TDRD5: variants seen among roughly 807,000 people sequenced by gnomAD.
TDRD5 encodes the protein tudor domain containing 5.
Under a neutral mutation model 120.6 loss-of-function variants are expected in TDRD5, and 41 were observed. That is an observed-to-expected ratio of 0.34 (90% confidence interval 0.26 to 0.44). The LOEUF is 0.44. TDRD5 is among the 20% of genes least tolerant of loss of function. The pLI, the probability that TDRD5 is intolerant of heterozygous loss-of-function variation, is 1.00. For synonymous variants in TDRD5, 430 were observed against 433.7 expected (o/e 0.99, Z 0.11); for missense variants, 1,006 against 1,221.2 (o/e 0.82, Z 2.63).
In TDRD5 at chr1:179,652,074, G is replaced by T; in HGVS notation, c.2037G>T (p.Thr679=). The T allele has an allele frequency of 1.2e-6, 2 of 1,613,350 alleles. No individual in the cohort carries two copies. Among genetic ancestry groups the T allele is most frequent in the African/African-American group, 2.7e-5 (2 of 74,800 alleles). Residue 679 remains threonine (T), a synonymous_variant, in exon 13 of 18, where the codon ACG becomes ACT. Coordinates refer to ENST00000444136, the MANE Select transcript of TDRD5 (RefSeq NM_001199085.3). The stretch of plus-strand genomic sequence containing the variant: ...AGCTCAACCCTTTAGCTTTATACAC[G>T]ACATCCAGTGGAGGGCCAGAGGACA... ...FSELNPLALY[T]TSSGGPEDIV... is the part of the protein sequence containing the mutation.
At chr1:179,665,063 T>C (rs1679494833) in intron 16 of TDRD5, among the ~76,000 whole-genome samples, 1 of 152,172 alleles carries the variant, frequency 6.6e-6, no homozygotes, top group African/African-American at 2.4e-5. Context: ...TGCTTATTGG[T>C]GATTTATCTT....
rs979185648 is a variant in TDRD5, at chr1:179,691,168, C to T, written c.*225C>T. ...GATTTTTCTTGATTTTATTCTGTGT[C>T]ATTTTGTTCACCTTTGTTTTTAATG... On this transcript the variant is annotated 3_prime_UTR_variant, in exon 18 of 18. Transcript: ENST00000444136. 11 of 493,106 alleles carry T rather than the reference C, an allele frequency of 2.2e-5. No individual in the cohort carries two copies. Among genetic ancestry groups the T allele is most frequent in the African/African-American group, 2.1e-4 (11 of 51,380 alleles). The allele number at this position is 493,106 out of a possible 1,614,324, so 30.5% of individuals were successfully genotyped here.
At chr1:179,628,617 T>A (rs1677269535) in intron 6 of TDRD5, among the ~76,000 whole-genome samples, 1 of 152,164 alleles carries the variant, frequency 6.6e-6, no homozygotes, top group East Asian at 1.9e-4. Context: ...CATCAGTTTC[T>A]TCATTGTTCA....
chr1:179,632,311 C>T (rs947375817), intron 7 of TDRD5, among the ~76,000 whole-genome samples: 2 of 151,946 alleles, frequency 1.3e-5, no homozygotes, highest in African/African-American at 4.8e-5. Flanking sequence ...CCTAGTTTCT[C>T]CAATGGCAAC....
intron 17 of TDRD5, among the ~76,000 whole-genome samples, chr1:179,675,270 A>ATTTTTTTTTTTTTTTTTTTTT (rs879312785): frequency 1.2e-4 from 7 of 59,260 alleles, no homozygotes; most frequent in Non-Finnish European, 2.1e-4. Flanking sequence ...TATTATTATT[A>ATTTTTTTTTTTTTTTTTTTTT]TTATTTTTTT....
intron 17 of TDRD5, among the ~76,000 whole-genome samples, chr1:179,685,114 T>C (rs1473473211): frequency 6.6e-6 from 1 of 152,240 alleles, no homozygotes; most frequent in Non-Finnish European, 1.5e-5. Flanking sequence ...ATGAAGTCCT[T>C]GCCCATGCCT....
rs759460632 is a variant in TDRD5 at position 179,635,817 on chromosome 1, A to ACAT, written c.1450_1451insCAT (p.Ser484delinsThrCys). On this transcript the variant is annotated protein_altering_variant, in exon 9 of 18. Transcript: ENST00000444136. ...CTTTGTGGAGTATATCATCTCTCCT[A>ACAT]GTCAATTCTACATCCGGATCTATAG... 1.2e-6 allele frequency: 2 copies of ACAT among 1,613,798 alleles called. No homozygotes were observed. The highest frequency in any genetic ancestry group is 2.7e-5 in the African/African-American group (2 of 74,898).
chr1:179,596,834 G>A (rs777256002), intron 4 of TDRD5, among the ~76,000 whole-genome samples: 4 of 152,110 alleles, frequency 2.6e-5, no homozygotes, highest in Non-Finnish European at 5.9e-5. Context: ...CTGGGGGTTG[G>A]ATTACTGCAT....
intron 17 of TDRD5, among the ~76,000 whole-genome samples, chr1:179,670,496 A>C (rs2147781648): frequency 6.6e-6 from 1 of 152,308 alleles, no homozygotes; most frequent in African/African-American, 2.4e-5. Context: ...AAATTTTCTA[A>C]AGTGATTGCA....
chr1:179,639,729 A>G (rs1677939851), intron 9 of TDRD5, 110 bp from the exon 10 acceptor site: 5 of 1,145,832 alleles, frequency 4.4e-6, no homozygotes, highest in Admixed American at 4.7e-5. Context: ...GACAAAGTCA[A>G]TTTTCTTTTC....
chr1:179,672,168 TA>T (rs1679889150), intron 17 of TDRD5, among the ~76,000 whole-genome samples: 1 of 152,120 alleles, frequency 6.6e-6, no homozygotes, highest in Non-Finnish European at 1.5e-5. Context: ...TGGTAGATCT[TA>T]GCTCTTTAAG....
At chr1:179,606,146 T>G (rs1242183336) in intron 4 of TDRD5, among the ~76,000 whole-genome samples, 2 of 151,726 alleles carry the variant, frequency 1.3e-5, no homozygotes, top group East Asian at 3.9e-4. Flanking sequence ...TAATACTGTA[T>G]AGTGATATTT....
intron 4 of TDRD5, among the ~76,000 whole-genome samples, chr1:179,600,926 G>A (rs1176059049): frequency 6.6e-6 from 1 of 151,990 alleles, no homozygotes; most frequent in Non-Finnish European, 1.5e-5. Flanking sequence ...AATATTTGGG[G>A]ATTTTTTTCA....
intron 11 of TDRD5, among the ~76,000 whole-genome samples, chr1:179,647,783 A>G (rs1322232094): frequency 3.1e-4 from 47 of 149,328 alleles, no homozygotes; most frequent in Non-Finnish European, 6.6e-4. Context: ...AAAAGTGGGC[A>G]AAGGACATGA....
intron 14 of TDRD5, among the ~76,000 whole-genome samples, chr1:179,655,040 C>A (rs1249406518): frequency 1.3e-5 from 2 of 152,062 alleles, no homozygotes; most frequent in Non-Finnish European, 2.9e-5. Flanking sequence ...AACTTAAGAT[C>A]CCCCATGACT....
intron 5 of TDRD5, among the ~76,000 whole-genome samples, chr1:179,619,627 T>TC (rs1291910371): frequency 7.3e-6 from 1 of 136,298 alleles, no homozygotes; most frequent in Non-Finnish European, 1.5e-5. Flanking sequence ...CAATATGACT[T>TC]TTTTTTTTTT....
chr1:179,668,773 C>A (rs141357629), intron 16 of TDRD5, among the ~76,000 whole-genome samples: 6,723 of 131,236 alleles, frequency 0.051, 245 homozygotes, highest in Middle Eastern at 0.076. Context: ...GATGGAGTCT[C>A]GCTCTGTCGC....
At chr1:179,632,098 G>A (rs1439683388) in intron 7 of TDRD5, among the ~76,000 whole-genome samples, 2 of 151,480 alleles carry the variant, frequency 1.3e-5, no homozygotes. Context: ...AGTAGAGATG[G>A]GGTTTCACCA....
intron 17 of TDRD5, among the ~76,000 whole-genome samples, chr1:179,675,270 A>ATTTTTTTTTTTTTTTTTTTT (rs879312785): frequency 2.4e-4 from 14 of 59,252 alleles, no homozygotes; most frequent in South Asian, 6.7e-4. Flanking sequence ...TATTATTATT[A>ATTTTTTTTTTTTTTTTTTTT]TTATTTTTTT....
Sources: allele counts gnomAD v4.1 joint callset (sites outside exome capture counted in the v4.1 genomes callset), GRCh38; gene constraint gnomAD v4.1.1; transcripts MANE v1.5; gene names NCBI Gene and HGNC (gene_info 2026-07-23, HGNC 2026-07-21).